ENPP6: variants seen among roughly 807,000 people sequenced by gnomAD.
ENPP6 encodes the protein ectonucleotide pyrophosphatase/phosphodiesterase 6, also known as glycerophosphocholine cholinephosphodiesterase ENPP6.
A neutral mutation model predicts 42.0 loss-of-function variants in ENPP6; 32 were observed. That is an observed-to-expected ratio of 0.76 (90% CI 0.58 to 1.02). The LOEUF (loss-of-function observed/expected upper bound fraction) is 1.02, where lower values mean the gene tolerates loss of function less well. Among genes scored for constraint, ENPP6 ranks in the 50% least tolerant of loss-of-function variants. The probability of loss-of-function intolerance (pLI) is 0.00; values close to 1 mark genes in which losing one functional copy is unlikely to be tolerated. For missense variants in ENPP6, 552 were observed against 566.8 expected, an observed-to-expected ratio of 0.97 and a Z score of 0.27; for synonymous variants, 213 against 216.0, an observed-to-expected ratio of 0.99 and a Z score of 0.12.
At chr4:184,163,747 C>A (rs534498322) in intron 1 of ENPP6, among the ~76,000 whole-genome samples, 17 of 152,288 alleles carry the variant, frequency 1.1e-4, no homozygotes, top group African/African-American at 4.1e-4. Flanking sequence ...CATTTTATTT[C>A]TCTGAGGCCT....
chr4:184,200,525 C>G (rs1732877010), intron 1 of ENPP6, among the ~76,000 whole-genome samples: 1 of 152,220 alleles, frequency 6.6e-6, no homozygotes, highest in Non-Finnish European at 1.5e-5. Context: ...ATCAATTGCG[C>G]ACTCACTAAA....
intron 3 of ENPP6, among the ~76,000 whole-genome samples, chr4:184,121,526 C>T (rs1364296250): frequency 1.3e-5 from 2 of 152,222 alleles, no homozygotes; most frequent in Non-Finnish European, 2.9e-5. Context: ...TGTTTGGGCA[C>T]TCATGTATGA....
chr4:184,133,478 A>G (rs1343533080), intron 2 of ENPP6, among the ~76,000 whole-genome samples: 6 of 152,162 alleles, frequency 3.9e-5, no homozygotes, highest in Admixed American at 3.9e-4. Flanking sequence ...TTATATCAAA[A>G]TGCCTCTTAT....
At chr4:184,159,764 C>T (rs191604673) in intron 1 of ENPP6, among the ~76,000 whole-genome samples, 1 of 152,248 alleles carries the variant, frequency 6.6e-6, no homozygotes, top group Non-Finnish European at 1.5e-5. Flanking sequence ...AAGCAGTGTA[C>T]ATTGTACCCA....
At chr4:184,126,778 T>C (rs1000705652) in intron 2 of ENPP6, among the ~76,000 whole-genome samples, 22 of 152,310 alleles carry the variant, frequency 1.4e-4, no homozygotes, top group Admixed American at 1.3e-3. Context: ...AGTGGAAAAA[T>C]GAATCTAACT....
chr4:184,112,012 A>C (rs1306315820), intron 6 of ENPP6, among the ~76,000 whole-genome samples: 1 of 152,214 alleles, frequency 6.6e-6, no homozygotes, highest in East Asian at 1.9e-4. Context: ...ATTGCAACCC[A>C]CCTTCAAATT....
At chr4:184,155,418 C>G (rs9994384) in intron 1 of ENPP6, among the ~76,000 whole-genome samples, 1 of 152,188 alleles carries the variant, frequency 6.6e-6, no homozygotes, top group Non-Finnish European at 1.5e-5. Context: ...AGTCTTTCCT[C>G]ATAGAGAGAT....
intron 1 of ENPP6, among the ~76,000 whole-genome samples, chr4:184,161,949 G>A (rs1050750426): frequency 3.3e-5 from 5 of 151,914 alleles, no homozygotes; most frequent in African/African-American, 4.8e-5. Flanking sequence ...TTGGGTGATG[G>A]GTGTACCAAA....
intron 1 of ENPP6, among the ~76,000 whole-genome samples, chr4:184,196,546 A>G (rs1016389001): frequency 3.3e-5 from 5 of 152,342 alleles, no homozygotes; most frequent in Middle Eastern, 3.4e-3. Flanking sequence ...GATGAAAATA[A>G]CAAGATCTCA....
At chr4:184,159,030 T>C (rs1737219555) in intron 1 of ENPP6, among the ~76,000 whole-genome samples, 1 of 152,210 alleles carries the variant, frequency 6.6e-6, no homozygotes, top group South Asian at 2.1e-4. Context: ...TATTACTTGC[T>C]CTTCCTATCT....
intron 2 of ENPP6, among the ~76,000 whole-genome samples, chr4:184,151,896 C>T (rs941900194): frequency 1.3e-5 from 2 of 152,170 alleles, no homozygotes; most frequent in Admixed American, 6.5e-5. Flanking sequence ...TCCAACTCCA[C>T]GAAAAGTTAT....
chr4:184,158,414 G>A (rs192501633), intron 1 of ENPP6, among the ~76,000 whole-genome samples: 1 of 152,072 alleles, frequency 6.6e-6, no homozygotes, highest in Non-Finnish European at 1.5e-5. Flanking sequence ...GGGGTGGGGT[G>A]GGGGGAATAG....
intron 2 of ENPP6, among the ~76,000 whole-genome samples, chr4:184,151,322 G>C (rs771388955): frequency 3.3e-5 from 5 of 152,198 alleles, no homozygotes; most frequent in African/African-American, 4.8e-5. Context: ...TGGGCAACAA[G>C]AGTGAAACTC....
At position 184,149,801 on chromosome 4, in the gene ENPP6, A is replaced by C. The variant is rs564340648; in HGVS notation, c.421+3753T>G. ...AATAAACTTAAAAACTGCTGCCAGC[A>C]TGTAAGGTGGCCCTGCTTATCCAAA... On this transcript the variant is annotated intron_variant, in intron 2 of 7. Coordinates refer to ENST00000296741, the MANE Select transcript of ENPP6 (RefSeq NM_153343.4). 2.0e-3 allele frequency among the ~76,000 whole-genome samples: 309 copies of C among 152,316 alleles called. 1 individual carries two copies. Among genetic ancestry groups the C allele is most frequent in the African/African-American group, 6.9e-3 (286 of 41,568 alleles).
At chr4:184,128,175 A>C (rs906234594) in intron 2 of ENPP6, among the ~76,000 whole-genome samples, 1 of 152,206 alleles carries the variant, frequency 6.6e-6, no homozygotes, top group African/African-American at 2.4e-5. Context: ...ATTATTGTGA[A>C]TAGATTAAAT....
chr4:184,197,504 G>C (rs1579660840), intron 1 of ENPP6, among the ~76,000 whole-genome samples: 1 of 152,340 alleles, frequency 6.6e-6, no homozygotes, highest in East Asian at 1.9e-4. Flanking sequence ...ATCATCTAAG[G>C]GATGCCAGAT....
At chr4:184,141,578 C>T (rs77562792) in intron 2 of ENPP6, among the ~76,000 whole-genome samples, 3,217 of 152,244 alleles carry the variant, frequency 0.021, 105 homozygotes, top group African/African-American at 0.063. Flanking sequence ...CAGGGAACAT[C>T]GCAGGGAAAT....
intron 1 of ENPP6, among the ~76,000 whole-genome samples, chr4:184,189,979 G>A (rs1178225058): frequency 6.6e-6 from 1 of 152,174 alleles, no homozygotes; most frequent in Non-Finnish European, 1.5e-5. Context: ...AAAATACAAG[G>A]TAATCTCATT....
chr4:184,132,120 G>A (rs1736647315), intron 2 of ENPP6, among the ~76,000 whole-genome samples: 1 of 152,092 alleles, frequency 6.6e-6, no homozygotes, highest in Non-Finnish European at 1.5e-5. Flanking sequence ...ACATTGGGGA[G>A]GGAAAAATAC....
Sources: gnomAD v4.1 joint callset for allele counts (sites outside exome capture counted in the v4.1 genomes callset) on GRCh38, gnomAD v4.1.1 for gene constraint, MANE v1.5 for transcripts, NCBI Gene and HGNC (gene_info 2026-07-23, HGNC 2026-07-21) for gene names.